Variants in TPM1 observed in about 807,000 individuals in gnomAD.
The protein encoded by TPM1 is tropomyosin 1, also known as tropomyosin alpha-1 chain.
A neutral mutation model predicts 42.9 loss-of-function variants in TPM1; 24 were observed. That is an observed-to-expected ratio of 0.56 (90% CI 0.41 to 0.79). The LOEUF (loss-of-function observed/expected upper bound fraction) is 0.79, where lower values mean the gene tolerates loss of function less well. Ranked by LOEUF, TPM1 falls within the 30% of genes least tolerant of loss-of-function variation. The probability of loss-of-function intolerance (pLI) is 0.00; values close to 1 mark genes in which losing one functional copy is unlikely to be tolerated. For missense variants in TPM1, 158 were observed against 351.8 expected, an observed-to-expected ratio of 0.45 and a Z score of 4.41; for synonymous variants, 136 against 130.1, an observed-to-expected ratio of 1.05 and a Z score of -0.31.
chr15:63,059,085 A>G (rs1333660693), intron 3 of TPM1, among the ~76,000 whole-genome samples: 2 of 152,222 alleles, frequency 1.3e-5, no homozygotes, highest in Non-Finnish European at 2.9e-5. Flanking sequence ...CATTAAGTCT[A>G]ATATTTTTGT....
chr15:63,070,525 T>G, downstream of TPM1: 1 of 993,584 alleles, frequency 1.0e-6, no homozygotes, highest in South Asian at 4.5e-5. Flanking sequence ...GTCATGCTAA[T>G]AAATAGAACA....
chr15:63,050,950 T>C (rs999370972), intron 2 of TPM1, among the ~76,000 whole-genome samples: 3 of 152,254 alleles, frequency 2.0e-5, no homozygotes, highest in Non-Finnish European at 4.4e-5. Context: ...CTGTAATTAA[T>C]AGGCCCTATT....
At chr15:63,046,692 G>A (rs903564388) in intron 2 of TPM1, 1 of 152,574 alleles carries the variant, frequency 6.6e-6, no homozygotes, top group Non-Finnish European at 1.5e-5. Context: ...CCCAGTAACT[G>A]TGATATATCT....
chr15:63,066,238 A>G (rs2036266101), downstream of TPM1: 3 of 1,210,180 alleles, frequency 2.5e-6, no homozygotes, highest in African/African-American at 1.6e-5. Context: ...ATACAGAATT[A>G]TATCAGGAGT....
At chr15:63,063,198 C>T (rs2035882443) in intron 8 of TPM1, 1 of 985,294 alleles carries the variant, frequency 1.0e-6, no homozygotes, top group Non-Finnish European at 1.2e-6. Flanking sequence ...CACTCTATCT[C>T]ACAGATATCC....
chr15:63,060,742 AAG>A, intron 4 of TPM1, 125 bp from the exon 5 acceptor site: 1 of 1,021,510 alleles, frequency 9.8e-7, no homozygotes. Flanking sequence ...GTCTACCAGA[AAG>A]AGGATCATAT....
At chr15:63,048,272 C>G (rs1596317219) in intron 2 of TPM1, 2 of 584,970 alleles carry the variant, frequency 3.4e-6, no homozygotes, top group Non-Finnish European at 3.0e-6. Flanking sequence ...CAGGTACCCC[C>G]GCAGCGCGCC....
At position 63,060,811 on chromosome 15, in the gene TPM1, T is replaced by C; in HGVS notation, c.493-58T>C. 1.9e-6 allele frequency: 3 copies of C among 1,597,572 alleles called. No individual in the cohort carries two copies. In the East Asian group the frequency reaches 6.7e-5, roughly 36 times the overall value. On this transcript the variant is annotated intron_variant, in intron 4 of 9. Coordinates refer to ENST00000403994, the MANE Select transcript of TPM1 (RefSeq NM_001018005.2). ...GGATCTGATCTCTACCCCCATGCCC[T>C]TCTGTTACACAAAGCTTGCAAGACC... is the stretch of plus-strand genomic sequence containing the variant.
downstream of TPM1, chr15:63,070,688 C>G (rs2036558449): frequency 9.9e-7 from 1 of 1,011,750 alleles, no homozygotes; most frequent in Non-Finnish European, 1.2e-6. Flanking sequence ...GCACAACTCC[C>G]AGACTTTTAA....
intron 8 of TPM1, chr15:63,063,379 T>C: frequency 1.0e-6 from 1 of 985,428 alleles, no homozygotes; most frequent in Non-Finnish European, 1.2e-6. Flanking sequence ...TCTGCCAAAG[T>C]GCAGCAAAGT....
At chr15:63,061,875 C>T (rs2035686496) in intron 6 of TPM1, 87 bp downstream of exon 6, 1 of 1,205,884 alleles carries the variant, frequency 8.3e-7, no homozygotes, top group East Asian at 2.4e-5. Context: ...TTACAGTAGA[C>T]ATTTTAGTAA....
chr15:63,062,724 G>A lies in TPM1; in HGVS notation c.772+79G>A, dbSNP rs772481168. 2.5e-6 allele frequency: 4 copies of A among 1,609,838 alleles called. No homozygotes were observed. In the East Asian group the frequency reaches 6.7e-5, roughly 27 times the overall value. ...GGCAAAACAATTTTCCAATTCAAGG[G>A]CATCCACATTGATACGCTCCTTTGC... On this transcript the variant is annotated intron_variant, in intron 8 of 9. Transcript: ENST00000403994.
At chr15:63,048,481 C>G in intron 2 of TPM1, 1 of 1,425,058 alleles carries the variant, frequency 7.0e-7, no homozygotes, top group Non-Finnish European at 9.1e-7. Flanking sequence ...GGCGGACCGG[C>G]GCTGGGCAGC....
rs560867267 is a variant in TPM1, at chr15:63,044,290, C to A, written c.240+138C>A. 4.0e-6 allele frequency: 5 copies of A among 1,240,960 alleles called. No homozygotes were observed. In the Admixed American group the frequency reaches 5.5e-5, roughly 14 times the overall value. The allele number at this position is 1,240,960 out of a possible 1,614,324, so 76.9% of individuals were successfully genotyped here. ...CACACAGCCCTGCCATGGCCCAGAG[C>A]ATTGGATGCCGCCTCTGACTGCTAC... On this transcript the variant is annotated intron_variant, in intron 2 of 9. Coordinates refer to ENST00000403994, the MANE Select transcript of TPM1 (RefSeq NM_001018005.2).
intron 2 of TPM1, among the ~76,000 whole-genome samples, chr15:63,052,141 G>A (rs2034008282): frequency 2.0e-5 from 3 of 152,168 alleles, no homozygotes; most frequent in African/African-American, 7.2e-5. Flanking sequence ...TTCATTGTTA[G>A]AACACAATAG....
chr15:63,070,488 A>C (rs1035027147), downstream of TPM1: 3 of 995,212 alleles, frequency 3.0e-6, no homozygotes, highest in South Asian at 1.3e-4. Context: ...ACTCAGTCTA[A>C]TGGTGCTGTT....
Position 63,071,354 on chromosome 15 carries a change from C to G in TPM1, c.*182C>G, listed in dbSNP as rs1053858915. On this transcript the variant is annotated 3_prime_UTR_variant, in exon 9 of 9. Coordinates refer to the TPM1 transcript ENST00000267996. ...AAGGCAAGCCCATGTCAGGGCGATC[C>G]TGGTTCAAATGTGCCATTTCCCGGG... The G allele has an allele frequency of 1.9e-5, 12 of 621,298 alleles. No individual in the cohort carries two copies. In the African/African-American group the frequency reaches 2.0e-4, roughly 10 times the overall value. The allele number at this position is 621,298 out of a possible 1,614,324, so 38.5% of individuals were successfully genotyped here.
intron 1 of TPM1, chr15:63,043,704 A>G: frequency 6.5e-7 from 1 of 1,545,680 alleles, no homozygotes; most frequent in Non-Finnish European, 8.7e-7. Context: ...CGCTGCCCCC[A>G]GCTCGAGGAG....
chr15:63,056,047 C>T (rs1010411354), intron 2 of TPM1: 4 of 152,178 alleles, frequency 2.6e-5, no homozygotes, highest in Non-Finnish European at 5.9e-5. Context: ...ATCAAAAACA[C>T]TTGGGAAATT....
Sources: allele counts gnomAD v4.1 joint callset (sites outside exome capture counted in the v4.1 genomes callset), GRCh38; gene constraint gnomAD v4.1.1; transcripts MANE v1.5; gene names NCBI Gene and HGNC (gene_info 2026-07-23, HGNC 2026-07-21).